Variants in TLE4 observed in about 807,000 individuals in gnomAD.
TLE4 encodes transducin-like enhancer protein 4.
TLE4 carries 8 observed loss-of-function variants against 92.8 expected under a neutral mutation model. The observed-to-expected ratio is 0.09, with a 90% CI of 0.05 to 0.16. The LOEUF (loss-of-function observed/expected upper bound fraction) is 0.16. TLE4 is among the 10% of genes least tolerant of loss of function. The pLI is 1.00. For synonymous variants in TLE4, 371 were observed against 374.1 expected (o/e 0.99, Z 0.10); for missense variants, 675 against 997.6 (o/e 0.68, Z 4.36).
At chr9:79,576,098 A>G (rs1389813797) in intron 3 of TLE4, 35 bp from the exon 4 acceptor site, 2 of 1,415,612 alleles carry the variant, frequency 1.4e-6, no homozygotes, top group East Asian at 2.5e-5. Flanking sequence ...GTTTGATGAA[A>G]GTCATGCATT....
At chr9:79,581,920 G>A (rs902346631) in intron 4 of TLE4, among the ~76,000 whole-genome samples, 3 of 152,130 alleles carry the variant, frequency 2.0e-5, no homozygotes, top group African/African-American at 7.2e-5. Flanking sequence ...GGGTGAGAGG[G>A]TGAGGTTGCT....
intron 8 of TLE4, among the ~76,000 whole-genome samples, chr9:79,690,085 TTTTAA>T (rs57186934): frequency 0.048 from 7,370 of 152,260 alleles, 247 homozygotes; most frequent in Non-Finnish European, 0.075. Flanking sequence ...CCATCCCAGA[TTTTAA>T]GACTCCTTTT....
chr9:79,690,779 CTTTTTTTTT>C (rs35528090), intron 8 of TLE4, among the ~76,000 whole-genome samples: 7 of 54,162 alleles, frequency 1.3e-4, no homozygotes, highest in Admixed American at 5.6e-4. Context: ...CCACTCCTGG[CTTTTTTTTT>C]TTTTTTTTTT....
At chr9:79,642,968 A>C (rs2057453960) in intron 6 of TLE4, among the ~76,000 whole-genome samples, 1 of 152,190 alleles carries the variant, frequency 6.6e-6, no homozygotes, top group African/African-American at 2.4e-5. Context: ...TCATGTTGTA[A>C]GTCATCAGGA....
chr9:79,576,393 G>A (rs1587593537), intron 4 of TLE4: 1 of 341,116 alleles, frequency 2.9e-6, no homozygotes, highest in East Asian at 4.2e-5. Flanking sequence ...ATTTTAAAAA[G>A]TCTGAATACA....
At chr9:79,639,695 G>A (rs373820906) in intron 6 of TLE4, among the ~76,000 whole-genome samples, 46 of 152,110 alleles carry the variant, frequency 3.0e-4, no homozygotes, top group African/African-American at 1.1e-3. Flanking sequence ...TGACACAATT[G>A]CCTACAATAT....
intron 8 of TLE4, among the ~76,000 whole-genome samples, chr9:79,673,696 A>T (rs533166239): frequency 6.6e-6 from 1 of 152,202 alleles, no homozygotes; most frequent in Non-Finnish European, 1.5e-5. Context: ...TGCATTTAAC[A>T]GAGTAATTTC....
At chr9:79,626,345 C>T (rs1428762922) in intron 5 of TLE4, among the ~76,000 whole-genome samples, 1 of 152,140 alleles carries the variant, frequency 6.6e-6, no homozygotes, top group African/African-American at 2.4e-5. Context: ...AGAAAGTTAG[C>T]TAAATTTCTC....
chr9:79,718,027 C>T (rs1425437495), intron 14 of TLE4: 1 of 456,632 alleles, frequency 2.2e-6, no homozygotes, highest in East Asian at 6.9e-5. Context: ...TGAGGGCTTT[C>T]CCTGGAAATG....
At chr9:79,705,526 TA>T (rs2071296280) in intron 9 of TLE4, among the ~76,000 whole-genome samples, 1 of 152,194 alleles carries the variant, frequency 6.6e-6, no homozygotes, top group Non-Finnish European at 1.5e-5. Flanking sequence ...TGCAGTTTTT[TA>T]AAATACCAAC....
intron 6 of TLE4, among the ~76,000 whole-genome samples, chr9:79,631,644 G>GTGTGTA (rs1464300005): frequency 1.3e-5 from 2 of 150,590 alleles, no homozygotes; most frequent in Non-Finnish European, 3.0e-5. Flanking sequence ...GTGTGTGTGT[G>GTGTGTA]TGTGTGTGTG....
chr9:79,689,430 C>T (rs2066583683), intron 8 of TLE4, among the ~76,000 whole-genome samples: 1 of 151,650 alleles, frequency 6.6e-6, no homozygotes, highest in Non-Finnish European at 1.5e-5. Flanking sequence ...TTGGCTTTTA[C>T]CACAGTTTGC....
chr9:79,670,208 A>AG (rs1373626775), intron 8 of TLE4, among the ~76,000 whole-genome samples: 1 of 152,098 alleles, frequency 6.6e-6, no homozygotes, highest in Non-Finnish European at 1.5e-5. Flanking sequence ...AAAAAAAGAA[A>AG]GAAAAAAAAA....
intron 4 of TLE4, among the ~76,000 whole-genome samples, chr9:79,600,921 G>A (rs1587923884): frequency 1.3e-5 from 2 of 152,174 alleles, no homozygotes; most frequent in African/African-American, 4.8e-5. Flanking sequence ...CTTTCCTTGG[G>A]CTATTAAAAT....
chr9:79,613,668 A>G (rs1157438851), intron 5 of TLE4, among the ~76,000 whole-genome samples: 2 of 152,152 alleles, frequency 1.3e-5, no homozygotes, highest in Non-Finnish European at 2.9e-5. Context: ...CAGTTGTTCT[A>G]TAAGTGTGTT....
At chr9:79,680,594 T>A (rs1178061079) in intron 8 of TLE4, among the ~76,000 whole-genome samples, 1 of 152,198 alleles carries the variant, frequency 6.6e-6, no homozygotes, top group African/African-American at 2.4e-5. Flanking sequence ...TGACTTCCTC[T>A]TTTCCTAATT....
intron 4 of TLE4, among the ~76,000 whole-genome samples, chr9:79,599,286 A>G (rs776838696): frequency 3.3e-5 from 5 of 152,000 alleles, no homozygotes; most frequent in Non-Finnish European, 7.4e-5. Context: ...TTTCCACTCT[A>G]TTTTTTATTG....
intron 8 of TLE4, among the ~76,000 whole-genome samples, chr9:79,661,242 TAC>T (rs2060492644): frequency 6.6e-6 from 1 of 152,220 alleles, no homozygotes; most frequent in African/African-American, 2.4e-5. Context: ...TTTGTATTCT[TAC>T]AGTAACACTA....
chr9:79,599,623 A>G (rs2045057961), intron 4 of TLE4, among the ~76,000 whole-genome samples: 1 of 152,254 alleles, frequency 6.6e-6, no homozygotes, highest in Non-Finnish European at 1.5e-5. Flanking sequence ...AACGAACACT[A>G]TCAAATGAAA....
Sources: allele counts gnomAD v4.1 joint callset (sites outside exome capture counted in the v4.1 genomes callset), GRCh38; gene constraint gnomAD v4.1.1; transcripts MANE v1.5; gene names NCBI Gene and HGNC (gene_info 2026-07-23, HGNC 2026-07-21).